SYN3: variants seen among roughly 807,000 people sequenced by gnomAD.
The protein encoded by SYN3 is synapsin-3.
SYN3 carries 35 observed loss-of-function variants against 65.8 expected under a neutral mutation model. That is an observed-to-expected ratio of 0.53 (90% CI 0.41 to 0.70). The LOEUF (loss-of-function observed/expected upper bound fraction) is 0.70. Ranked by LOEUF, SYN3 falls within the 30% of genes least tolerant of loss-of-function variation. SYN3 has a pLI of 0.00. For missense variants in SYN3, 680 were observed against 749.0 expected (o/e 0.91, Z 1.08); for synonymous variants, 270 against 292.9 (o/e 0.92, Z 0.80).
At chr22:32,860,818 G>A (rs573491309) in intron 6 of SYN3, 1 of 151,956 alleles carries the variant, frequency 6.6e-6, no homozygotes, top group South Asian at 2.1e-4. Context: ...CCTGGTGGGT[G>A]AATGCCACCT....
intron 6 of SYN3, among the ~76,000 whole-genome samples, chr22:32,704,225 C>G (rs1178320827): frequency 1.3e-5 from 2 of 152,100 alleles, no homozygotes; most frequent in African/African-American, 4.8e-5. Context: ...CTCTCACTCT[C>G]CTGGCTCAAA....
intron 7 of SYN3, among the ~76,000 whole-genome samples, chr22:32,593,807 G>A (rs1004560946): frequency 6.6e-6 from 1 of 152,176 alleles, no homozygotes; most frequent in Non-Finnish European, 1.5e-5. Flanking sequence ...TGAGGTAGCT[G>A]ACAAGAGCAC....
At position 32,620,726 on chromosome 22, in the gene SYN3, CT is replaced by C. The variant is rs199932750; in HGVS notation, c.712-23991del. On this transcript the variant is annotated intron_variant, in intron 6 of 13. Coordinates refer to ENST00000358763, the MANE Select transcript of SYN3 (RefSeq NM_003490.4). The stretch of plus-strand genomic sequence containing the variant: ...AAGAAGCTTCACAACCCAAATCACT[CT>C]TTTTTTTTTTTAAACGGAATCTCAC... Among the ~76,000 whole-genome samples, 450 of 146,236 alleles carry C rather than the reference CT, an allele frequency of 3.1e-3. 1 individual carries two copies. Among genetic ancestry groups the C allele is most frequent in the Non-Finnish European group, 2.9e-3 (192 of 65,986 alleles).
intron 6 of SYN3, among the ~76,000 whole-genome samples, chr22:32,698,542 T>C (rs1271689958): frequency 2.0e-5 from 3 of 152,154 alleles, no homozygotes; most frequent in East Asian, 1.9e-4. Flanking sequence ...TTTGCTGTTG[T>C]TGTTGTTTGA....
intron 3 of SYN3, among the ~76,000 whole-genome samples, chr22:32,955,231 TC>T (rs1263798709): frequency 6.6e-6 from 1 of 152,146 alleles, no homozygotes; most frequent in Non-Finnish European, 1.5e-5. Flanking sequence ...ACCCTGCTGT[TC>T]CTATCACAGC....
chr22:32,670,747 A>C (rs1157601590), intron 6 of SYN3, among the ~76,000 whole-genome samples: 1 of 152,262 alleles, frequency 6.6e-6, no homozygotes, highest in Admixed American at 6.5e-5. Context: ...CATGCTGTGC[A>C]AAAGAACTGT....
At chr22:32,598,546 C>A in intron 6 of SYN3, among the ~76,000 whole-genome samples, 1 of 152,108 alleles carries the variant, frequency 6.6e-6, no homozygotes, top group East Asian at 1.9e-4. Flanking sequence ...AGTGCAGTGG[C>A]ACGATCTTGG....
chr22:32,987,932 A>G (rs1294282542), intron 2 of SYN3, among the ~76,000 whole-genome samples: 2 of 152,230 alleles, frequency 1.3e-5, no homozygotes, highest in African/African-American at 2.4e-5. Context: ...AGTACTACGA[A>G]TAAAATGCAC....
In SYN3 at chr22:32,989,618, T is replaced by A. The variant is rs550412699; in HGVS notation, c.312-8916A>T. Among the ~76,000 whole-genome samples the A allele has an allele frequency of 3.3e-3, 505 of 152,042 alleles. 2 individuals are homozygous for A. The highest frequency in any genetic ancestry group is 0.011 in the African/African-American group (473 of 41,490). On this transcript the variant is annotated intron_variant, in intron 2 of 13. Transcript: ENST00000358763. ...GGGAGGCCGAGGCGGGTGGATCACC[T>A]GAGGTCAGGAGTTCAAGACCAGCCT...
intron 6 of SYN3, among the ~76,000 whole-genome samples, chr22:32,705,700 T>C (rs1183150831): frequency 6.6e-6 from 1 of 152,232 alleles, no homozygotes; most frequent in Non-Finnish European, 1.5e-5. Flanking sequence ...TGGAATATTT[T>C]TCTATTTGTT....
chr22:32,621,471 T>G (rs997642703), intron 6 of SYN3, among the ~76,000 whole-genome samples: 13 of 152,212 alleles, frequency 8.5e-5, no homozygotes, highest in African/African-American at 2.6e-4. Flanking sequence ...AGAAAAACCA[T>G]CTCAGATGGA....
At chr22:32,830,329 T>C (rs2047536087) in intron 6 of SYN3, among the ~76,000 whole-genome samples, 1 of 152,218 alleles carries the variant, frequency 6.6e-6, no homozygotes, top group Admixed American at 6.5e-5. Context: ...CCTTAATGCC[T>C]GCAACATCCT....
At chr22:32,832,732 C>T (rs193178817) in intron 6 of SYN3, among the ~76,000 whole-genome samples, 91 of 151,846 alleles carry the variant, frequency 6.0e-4, no homozygotes, top group Non-Finnish European at 8.8e-4. Context: ...GATATACTCG[C>T]CCCTCTCTTT....
At chr22:32,637,619 TTTTTC>T (rs1321924128) in intron 6 of SYN3, among the ~76,000 whole-genome samples, 20 of 135,930 alleles carry the variant, frequency 1.5e-4, no homozygotes, top group African/African-American at 5.7e-4. Context: ...AGGTTTTCTT[TTTTTC>T]TTTTTCTTTT....
At chr22:32,731,427 G>A (rs930856121) in intron 6 of SYN3, among the ~76,000 whole-genome samples, 2 of 152,146 alleles carry the variant, frequency 1.3e-5, no homozygotes, top group Admixed American at 6.5e-5. Flanking sequence ...GCTGCCAGCC[G>A]CTCTTTCTGG....
At chr22:32,830,929 T>G (rs1328918951) in intron 6 of SYN3, among the ~76,000 whole-genome samples, 1 of 152,208 alleles carries the variant, frequency 6.6e-6, no homozygotes, top group African/African-American at 2.4e-5. Context: ...GTTTTGTTTT[T>G]GTTTAGCTTT....
At chr22:32,949,533 C>T (rs1403325297) in intron 3 of SYN3, among the ~76,000 whole-genome samples, 1 of 152,116 alleles carries the variant, frequency 6.6e-6, no homozygotes, top group Non-Finnish European at 1.5e-5. Context: ...CAGGAACACG[C>T]CCACACACCC....
intron 4 of SYN3, among the ~76,000 whole-genome samples, chr22:32,912,276 G>C (rs898250919): frequency 6.6e-6 from 1 of 152,148 alleles, no homozygotes; most frequent in Non-Finnish European, 1.5e-5. Flanking sequence ...AGGATGAGCA[G>C]AAGGTTTTTT....
At chr22:32,874,701 T>C (rs1288009213) in intron 4 of SYN3, among the ~76,000 whole-genome samples, 1 of 152,216 alleles carries the variant, frequency 6.6e-6, no homozygotes, top group Non-Finnish European at 1.5e-5. Context: ...AAGGGTGATG[T>C]TCATGCTGAT....
Sources: allele counts gnomAD v4.1 joint callset (sites outside exome capture counted in the v4.1 genomes callset), GRCh38; gene constraint gnomAD v4.1.1; transcripts MANE v1.5; gene names NCBI Gene and HGNC (gene_info 2026-07-23, HGNC 2026-07-21).